ZYG11B: variants seen among roughly 807,000 people sequenced by gnomAD.
The protein encoded by ZYG11B is protein zyg-11 homolog B.
A neutral mutation model predicts 82.4 loss-of-function variants in ZYG11B; 36 were observed. That is an observed-to-expected ratio of 0.44 (90% CI 0.33 to 0.58). The LOEUF (loss-of-function observed/expected upper bound fraction) is 0.58, where lower values mean the gene tolerates loss of function less well. Ranked by LOEUF, ZYG11B falls within the 20% of genes least tolerant of loss-of-function variation. The pLI is 0.02. For missense variants in ZYG11B, 552 were observed against 895.6 expected (o/e 0.62, Z 4.90); for synonymous variants, 303 against 312.8 (o/e 0.97, Z 0.33).
At chr1:52,790,776 T>TTC (rs1644951988) in intron 6 of ZYG11B, among the ~76,000 whole-genome samples, 1 of 145,968 alleles carries the variant, frequency 6.9e-6, no homozygotes, top group South Asian at 2.1e-4. Flanking sequence ...CAGTGTTCTT[T>TTC]TTTTTTTTTT....
At chr1:52,774,360 T>C (rs1343477796) in intron 3 of ZYG11B, among the ~76,000 whole-genome samples, 1 of 146,316 alleles carries the variant, frequency 6.8e-6, no homozygotes, top group Admixed American at 7.1e-5. Context: ...CAGGCTGGAG[T>C]GCAATGGCGT....
In ZYG11B at chr1:52,780,076, G is replaced by A. The variant is rs541522743; in HGVS notation, c.1092+83G>A. 2.2e-5 allele frequency: 31 copies of A among 1,394,892 alleles called. No individual in the cohort carries two copies. The East Asian group carries it at 7.0e-4, about 31-fold the overall frequency. The allele number at this position is 1,394,892 out of a possible 1,614,324, so 86.4% of individuals were successfully genotyped here. On this transcript the variant is annotated intron_variant, in intron 4 of 13. Coordinates refer to ENST00000294353, the MANE Select transcript of ZYG11B (RefSeq NM_024646.3). ...TTTTGAAGAAAATTGGTGAAAATTT[G>A]CATTTAGTCTTTTTTTATTATTTAT...
At chr1:52,810,227 C>T (rs927342827) in intron 10 of ZYG11B, among the ~76,000 whole-genome samples, 4 of 152,080 alleles carry the variant, frequency 2.6e-5, no homozygotes, top group Admixed American at 1.3e-4. Context: ...AAGGTTTTTC[C>T]ATACTGGGTG....
At chr1:52,737,080 C>A (rs540334901) in intron 1 of ZYG11B, among the ~76,000 whole-genome samples, 1 of 151,756 alleles carries the variant, frequency 6.6e-6, no homozygotes, top group Admixed American at 6.6e-5. Context: ...TGGGGTTTCA[C>A]CATGTTAGCC....
chr1:52,824,124 G>A lies in ZYG11B; in HGVS notation c.*2495G>A, dbSNP rs1188995542. On this transcript the variant is annotated 3_prime_UTR_variant, in exon 14 of 14. Coordinates refer to ENST00000294353, the MANE Select transcript of ZYG11B (RefSeq NM_024646.3). The stretch of plus-strand genomic sequence containing the variant: ...TGCACTCCAGCCTGGACAACGGAGT[G>A]AGACTCTGGGGAAAAAAAAAATTAA... 6.6e-6 allele frequency: 1 copy of A among 151,392 alleles called. No individual in the cohort carries two copies. Among genetic ancestry groups the A allele is most frequent in the Non-Finnish European group, 1.5e-5 (1 of 67,832 alleles). The allele number at this position is 151,392 out of a possible 1,614,324, so 9.4% of individuals were successfully genotyped here. A position where few individuals can be genotyped will look rare whatever the true frequency, so the allele number is the denominator to read the frequency against.
chr1:52,806,995 A>G (rs1053713945), intron 10 of ZYG11B, among the ~76,000 whole-genome samples: 3 of 151,524 alleles, frequency 2.0e-5, no homozygotes, highest in Admixed American at 1.3e-4. Flanking sequence ...CAGCCTCCCC[A>G]GTAGCTGGGA....
intron 6 of ZYG11B, among the ~76,000 whole-genome samples, chr1:52,794,024 G>T (rs1644985708): frequency 6.6e-6 from 1 of 151,334 alleles, no homozygotes; most frequent in African/African-American, 2.4e-5. Flanking sequence ...CGCCAGGCTG[G>T]AGTGCAGTGG....
intron 10 of ZYG11B, 79 bp from the exon 11 acceptor site, chr1:52,813,457 T>C (rs982112369): frequency 1.4e-5 from 16 of 1,122,464 alleles, no homozygotes; most frequent in Non-Finnish European, 2.0e-5. Context: ...TTGCCTGTTA[T>C]CCAGGGCCTA....
chr1:52,784,809 T>G lies in ZYG11B; in HGVS notation c.1093-68T>G. Reference sequence around the variant, plus strand: ...TTGAAATTACTATAGACCAACAAAATAATTCTGCTCTGTGAAGAGGGCTTG... The same window carrying G: ...TTGAAATTACTATAGACCAACAAAAGAATTCTGCTCTGTGAAGAGGGCTTG... On this transcript the variant is annotated intron_variant, in intron 4 of 13. Coordinates refer to ENST00000294353, the MANE Select transcript of ZYG11B (RefSeq NM_024646.3). 3 of 1,512,412 alleles carry G rather than the reference T, an allele frequency of 2.0e-6. No individual in the cohort carries two copies. The South Asian group carries it at 3.6e-5, about 18-fold the overall frequency. The allele number at this position is 1,512,412 out of a possible 1,614,324, so 93.7% of individuals were successfully genotyped here.
rs1645293308 is a variant in ZYG11B, at chr1:52,822,836, A to C, written c.*1207A>C. 6.6e-6 allele frequency: 1 copy of C among 152,216 alleles called. No homozygotes were observed. Among genetic ancestry groups the C allele is most frequent in the Non-Finnish European group, 1.5e-5 (1 of 68,036 alleles). 9.4% of individuals were successfully genotyped at this position (152,216 alleles called of 1,614,324 possible). ...ATCTGATACAGTATAGTAAAGAATC[A>C]CTTATATCAGTAATAGCACTTGAGA... On this transcript the variant is annotated 3_prime_UTR_variant, in exon 14 of 14. Transcript: ENST00000294353.
intron 2 of ZYG11B, among the ~76,000 whole-genome samples, chr1:52,769,784 G>A (rs927833624): frequency 3.9e-5 from 6 of 152,112 alleles, no homozygotes; most frequent in African/African-American, 4.8e-5. Context: ...CTAAGATGCC[G>A]CCTTAGAGTT....
intron 10 of ZYG11B, among the ~76,000 whole-genome samples, chr1:52,809,399 A>G (rs575346011): frequency 3.3e-5 from 5 of 152,112 alleles, no homozygotes; most frequent in South Asian, 4.2e-4. Flanking sequence ...CTCCTTAACT[A>G]CTTCATGTAA....
intron 1 of ZYG11B, among the ~76,000 whole-genome samples, chr1:52,739,625 T>G (rs969065810): frequency 2.6e-5 from 4 of 151,176 alleles, no homozygotes; most frequent in African/African-American, 9.8e-5. Context: ...TTTATTTATT[T>G]TAATTTGTTT....
At chr1:52,761,502 G>T (rs1398564050) in intron 2 of ZYG11B, among the ~76,000 whole-genome samples, 3 of 152,172 alleles carry the variant, frequency 2.0e-5, no homozygotes, top group Non-Finnish European at 4.4e-5. Flanking sequence ...TCATTTTGCT[G>T]TGAATGACAG....
chr1:52,811,051 A>AAAGAG lies in ZYG11B; in HGVS notation c.1696-2484_1696-2483insAGAGA, dbSNP rs1553263650. 2.1e-4 allele frequency among the ~76,000 whole-genome samples: 30 copies of AAAGAG among 142,908 alleles called. 2 individuals carry two copies. Among genetic ancestry groups the AAAGAG allele is most frequent in the African/African-American group, 7.1e-4 (27 of 37,966 alleles). The allele number at this position is 142,908 out of a possible 152,430, so 93.8% of individuals were successfully genotyped here. On this transcript the variant is annotated intron_variant, in intron 10 of 13. Transcript: ENST00000294353. Reference sequence around the variant, plus strand: ...TCCGTCTCAAAAAAAAAAAAAAAAAAAGAGAAATTTATCTTTCATATTTAC... The same window carrying AAAGAG: ...TCCGTCTCAAAAAAAAAAAAAAAAAAAAGAGAGAGAAATTTATCTTTCATATTTAC...
chr1:52,772,552 C>T (rs879652465), intron 3 of ZYG11B: 11 of 1,609,352 alleles, frequency 6.8e-6, no homozygotes, highest in Admixed American at 6.7e-5. Context: ...TGCTCCTTCA[C>T]GTCGTCAGAT....
At chr1:52,813,219 G>A (rs1645198862) in intron 10 of ZYG11B, among the ~76,000 whole-genome samples, 1 of 152,168 alleles carries the variant, frequency 6.6e-6, no homozygotes, top group South Asian at 2.1e-4. Flanking sequence ...TACTGAGCCA[G>A]AGATTTGGGG....
intron 4 of ZYG11B, among the ~76,000 whole-genome samples, chr1:52,781,068 C>T (rs760815217): frequency 1.2e-4 from 18 of 151,894 alleles, no homozygotes; most frequent in Non-Finnish European, 2.1e-4. Context: ...CCTGGGAGGC[C>T]GAGTTTACAG....
chr1:52,776,229 A>AAAAAAAAAAATATATATATAT, intron 3 of ZYG11B, among the ~76,000 whole-genome samples: 12 of 23,534 alleles, frequency 5.1e-4, no homozygotes, highest in African/African-American at 8.5e-4. Flanking sequence ...TAAAAAAAAA[A>AAAAAAAAAAATATATATATAT]ATATATATAT....
Sources: allele counts gnomAD v4.1 joint callset (sites outside exome capture counted in the v4.1 genomes callset), GRCh38; gene constraint gnomAD v4.1.1; transcripts MANE v1.5; gene names NCBI Gene and HGNC (gene_info 2026-07-23, HGNC 2026-07-21).